ITGA11: variants seen among roughly 807,000 people sequenced by gnomAD.
ITGA11 encodes the protein integrin subunit alpha 11.
ITGA11 carries 97 observed loss-of-function variants against 141.9 expected under a neutral mutation model. The observed-to-expected ratio is 0.68, with a 90% CI of 0.58 to 0.81. ITGA11 has a LOEUF of 0.81. ITGA11 is among the 30% of genes least tolerant of loss of function. The pLI, the probability that ITGA11 is intolerant of heterozygous loss-of-function variation, is 0.00. For missense variants in ITGA11, 1,387 were observed against 1,559.2 expected, an observed-to-expected ratio of 0.89 and a Z score of 1.86; for synonymous variants, 658 against 624.6, an observed-to-expected ratio of 1.05 and a Z score of -0.80.
At position 68,324,624 on chromosome 15, in the gene ITGA11, AG is replaced by A. The variant is rs1321119888; in HGVS notation, c.2322+506del. 1.3e-5 allele frequency among the ~76,000 whole-genome samples: 2 copies of A among 152,082 alleles called. No individual in the cohort carries two copies. Among genetic ancestry groups the A allele is most frequent in the Non-Finnish European group, 2.9e-5 (2 of 68,018 alleles). On this transcript the variant is annotated intron_variant, in intron 18 of 29. Coordinates refer to ENST00000315757, the MANE Select transcript of ITGA11 (RefSeq NM_001004439.2). This position sits in a 1 kb window ranked among gnomAD's most constrained non-coding sequence, Gnocchi z 6.3. ...AGCCAGGGATTAGAAAATGTGGCTG[AG>A]GGATGGGGCCGCTTCTTTTTGGAAT...
At chr15:68,402,807 G>A (rs529931637) in intron 2 of ITGA11, 111 bp downstream of exon 2, 6 of 679,790 alleles carry the variant, frequency 8.8e-6, no homozygotes, top group African/African-American at 7.1e-5. Flanking sequence ...CACTGGAAAC[G>A]TCAGTCTCCA....
rs529371138 is a variant in ITGA11, at chr15:68,308,080, T to C, written c.3175-384A>G. Among the ~76,000 whole-genome samples, 6 of 152,314 alleles carry C rather than the reference T, an allele frequency of 3.9e-5. No individual in the cohort carries two copies. The highest frequency in any genetic ancestry group is 1.4e-4 in the African/African-American group (6 of 41,574). On this transcript the variant is annotated intron_variant, in intron 26 of 29. Coordinates refer to ENST00000315757, the MANE Select transcript of ITGA11 (RefSeq NM_001004439.2). The surrounding 1 kb of genome is among the most constrained non-coding windows in gnomAD (Gnocchi z 5.2). Reference sequence around the variant, plus strand: ...TAGGAAGTCCAACTTCTGTTCATGATAAAAACTCCCAGGGAACTTCCTGAA... The same window carrying C: ...TAGGAAGTCCAACTTCTGTTCATGACAAAAACTCCCAGGGAACTTCCTGAA...
At chr15:68,400,105 T>C (rs984439991) in intron 2 of ITGA11, among the ~76,000 whole-genome samples, 7 of 152,138 alleles carry the variant, frequency 4.6e-5, no homozygotes, top group African/African-American at 7.2e-5. Flanking sequence ...AGTCAAGAAA[T>C]AGGCCCATAT....
intron 2 of ITGA11, among the ~76,000 whole-genome samples, chr15:68,373,102 C>A (rs543676915): frequency 6.6e-6 from 1 of 152,022 alleles, no homozygotes; most frequent in Non-Finnish European, 1.5e-5. Flanking sequence ...GGTGTGTGTA[C>A]CCCACCCTGG....
Position 68,354,388 on chromosome 15 carries a change from A to AT in ITGA11, c.749+2762dup, listed in dbSNP as rs759199662. On this transcript the variant is annotated intron_variant, in intron 7 of 29. Transcript: ENST00000315757. ...CCTGCTGTACATAGCTGCCAGGCTCATTTTTTTTAACGTGCATATCTGATG... is the reference window on the plus strand; with the variant it reads ...CCTGCTGTACATAGCTGCCAGGCTCATTTTTTTTTAACGTGCATATCTGATG... Among the ~76,000 whole-genome samples the AT allele has an allele frequency of 2.2e-4, 34 of 151,798 alleles. 2 individuals are homozygous for AT. The highest frequency in any genetic ancestry group is 7.2e-4 in the Admixed American group (11 of 15,238).
rs141287397 is a variant in ITGA11, at chr15:68,332,741, G to A, written c.1426-263C>T. Among the ~76,000 whole-genome samples the A allele has an allele frequency of 1.1e-3, 168 of 151,934 alleles. 1 individual carries two copies. The highest frequency in any genetic ancestry group is 3.4e-3 in the Middle Eastern group (1 of 294). ...ACTCTTCTTTCTTTCTGTTAATTTT[G>A]TTGGTGGCCATTTATCTTGTGTGTA... On this transcript the variant is annotated intron_variant, in intron 12 of 29. Transcript: ENST00000315757.
At chr15:68,387,067 G>A (rs952729450) in intron 2 of ITGA11, among the ~76,000 whole-genome samples, 1 of 152,066 alleles carries the variant, frequency 6.6e-6, no homozygotes, top group African/African-American at 2.4e-5. Flanking sequence ...GGAGAATGAG[G>A]AGAAAAGATG....
chr15:68,389,919 T>C (rs892296092), intron 2 of ITGA11, among the ~76,000 whole-genome samples: 10 of 152,216 alleles, frequency 6.6e-5, no homozygotes, highest in Admixed American at 5.2e-4. Context: ...AGAGGCCCTC[T>C]GCAAGCCCTG....
At position 68,333,255 on chromosome 15, in the gene ITGA11, G is replaced by A. The variant is rs1009682628; in HGVS notation, c.1426-777C>T. ...GCTGGGACCACAGGCACTTACCACC[G>A]CTCCTGGCTGTTTTAAAAAATTATT... On this transcript the variant is annotated intron_variant, in intron 12 of 29. Coordinates refer to ENST00000315757, the MANE Select transcript of ITGA11 (RefSeq NM_001004439.2). The surrounding 1 kb of genome is among the most constrained non-coding windows in gnomAD (Gnocchi z 4.2). 2.6e-5 allele frequency among the ~76,000 whole-genome samples: 4 copies of A among 151,932 alleles called. No individual in the cohort carries two copies. The highest frequency in any genetic ancestry group is 2.1e-4 in the South Asian group (1 of 4,808).
At chr15:68,396,928 T>A (rs1385319499) in intron 2 of ITGA11, among the ~76,000 whole-genome samples, 1 of 35,192 alleles carries the variant, frequency 2.8e-5, no homozygotes, top group Non-Finnish European at 4.4e-5. Flanking sequence ...ATTTATTATA[T>A]AATATATAAT....
chr15:68,324,859 C>A lies in ITGA11; in HGVS notation c.2322+272G>T, dbSNP rs775074272. 3.9e-4 allele frequency among the ~76,000 whole-genome samples: 60 copies of A among 152,246 alleles called. No homozygotes were observed. The highest frequency in any genetic ancestry group is 7.6e-4 in the Non-Finnish European group (52 of 68,032). On this transcript the variant is annotated intron_variant, in intron 18 of 29. Coordinates refer to ENST00000315757, the MANE Select transcript of ITGA11 (RefSeq NM_001004439.2). The surrounding 1 kb of genome is among the most constrained non-coding windows in gnomAD (Gnocchi z 6.3). The stretch of plus-strand genomic sequence containing the variant: ...GTTCTTTGTATTTCTCCGGTGCTCA[C>A]CCTGTGCTCCCCTGTGCTGGGGATA...
At chr15:68,315,609 G>C in intron 22 of ITGA11, 42 bp downstream of exon 22, 1 of 1,544,750 alleles carries the variant, frequency 6.5e-7, no homozygotes, top group Non-Finnish European at 8.9e-7. Flanking sequence ...CTGGGCCCCG[G>C]AATAGCAAGC....
intron 10 of ITGA11, 63 bp from the exon 11 acceptor site, chr15:68,339,707 A>C: frequency 6.3e-7 from 1 of 1,595,886 alleles, no homozygotes; most frequent in Non-Finnish European, 8.6e-7. Context: ...CAGGAGCCAC[A>C]TCAGGTCCTA....
At chr15:68,320,464 T>C in intron 19 of ITGA11, 72 bp from the exon 20 acceptor site, 1 of 1,369,840 alleles carries the variant, frequency 7.3e-7, no homozygotes, top group Non-Finnish European at 1.0e-6. Context: ...AGCCCCAGGG[T>C]TGGGGCAAAA....
rs1022186170 is a variant in ITGA11 at position 68,339,742 on chromosome 15, A to G, written c.1132-98T>C. 9.5e-6 allele frequency: 13 copies of G among 1,365,350 alleles called. No homozygotes were observed. In the South Asian group the frequency reaches 1.7e-4, roughly 17 times the overall value. The allele number at this position is 1,365,350 out of a possible 1,614,324, so 84.6% of individuals were successfully genotyped here. On this transcript the variant is annotated intron_variant, in intron 10 of 29. Transcript: ENST00000315757. ...ATGACCAGTGACGCCTCCACCAGCC[A>G]CCTCGGGCACCTTCTCCTGGGTGCA...
chr15:68,329,927 C>T (rs777109330), intron 15 of ITGA11, among the ~76,000 whole-genome samples: 2 of 152,218 alleles, frequency 1.3e-5, no homozygotes, highest in African/African-American at 2.4e-5. Context: ...GATGCTCTGG[C>T]CATGACAAAT....
intron 1 of ITGA11, among the ~76,000 whole-genome samples, chr15:68,407,594 G>T (rs925716934): frequency 6.6e-6 from 1 of 152,196 alleles, no homozygotes; most frequent in Non-Finnish European, 1.5e-5. Context: ...GATGTTGGGA[G>T]CCTGGTTGGG....
intron 7 of ITGA11, among the ~76,000 whole-genome samples, chr15:68,356,124 CT>C (rs1036245386): frequency 1.3e-5 from 2 of 151,950 alleles, no homozygotes; most frequent in African/African-American, 4.8e-5. Context: ...GAGACGGAGT[CT>C]TGCTCTGTTC....
At chr15:68,431,408 G>A (rs957396915) in intron 1 of ITGA11, among the ~76,000 whole-genome samples, 2 of 152,246 alleles carry the variant, frequency 1.3e-5, no homozygotes, top group African/African-American at 2.4e-5. Flanking sequence ...GCGCGACTGT[G>A]TCCCGCCGCT....
Sources: gnomAD v4.1 joint callset for allele counts (sites outside exome capture counted in the v4.1 genomes callset) on GRCh38, gnomAD v4.1.1 for gene constraint, Gnocchi (gnomAD v3.1) non-coding constraint, MANE v1.5 for transcripts, NCBI Gene and HGNC (gene_info 2026-07-23, HGNC 2026-07-21) for gene names.